Variants in LMX1A observed in about 807,000 individuals in gnomAD.
The protein encoded by LMX1A is LIM homeobox transcription factor 1-alpha.
A neutral mutation model predicts 49.1 loss-of-function variants in LMX1A; 15 were observed. That is an observed-to-expected ratio of 0.31 (90% CI 0.20 to 0.47). LMX1A has a LOEUF of 0.47. LMX1A is among the 20% of genes least tolerant of loss of function. The pLI, the probability that LMX1A is intolerant of heterozygous loss-of-function variation, is 1.00. For synonymous variants in LMX1A, 167 were observed against 185.7 expected (o/e 0.90, Z 0.82); for missense variants, 372 against 475.8 (o/e 0.78, Z 2.03).
intron 3 of LMX1A, among the ~76,000 whole-genome samples, chr1:165,337,721 C>T (rs1321536737): frequency 1.3e-5 from 2 of 152,060 alleles, no homozygotes; most frequent in Non-Finnish European, 2.9e-5. Flanking sequence ...TCTTGGTGCC[C>T]CTGAGTCTAA....
intron 3 of LMX1A, among the ~76,000 whole-genome samples, chr1:165,331,704 C>G (rs1459125145): frequency 6.6e-6 from 1 of 152,096 alleles, no homozygotes; most frequent in African/African-American, 2.4e-5. Context: ...ATCCCTTGAG[C>G]CCAGGAGTTC....
intron 4 of LMX1A, among the ~76,000 whole-genome samples, chr1:165,219,900 CTG>C (rs1651773757): frequency 6.6e-6 from 1 of 152,176 alleles, no homozygotes; most frequent in African/African-American, 2.4e-5. Context: ...AAAATAATAA[CTG>C]TGCAGAGGAG....
At chr1:165,325,851 C>T (rs1353308359) in intron 3 of LMX1A, among the ~76,000 whole-genome samples, 1 of 152,178 alleles carries the variant, frequency 6.6e-6, no homozygotes, top group African/African-American at 2.4e-5. Flanking sequence ...ATTATCACTA[C>T]TTTTACTATT....
intron 3 of LMX1A, among the ~76,000 whole-genome samples, chr1:165,269,371 G>T (rs1367397147): frequency 1.3e-5 from 2 of 152,180 alleles, no homozygotes; most frequent in Non-Finnish European, 2.9e-5. Context: ...AAAGATACCA[G>T]AATTTCAACC....
intron 3 of LMX1A, among the ~76,000 whole-genome samples, chr1:165,275,453 C>T (rs1653936136): frequency 6.6e-6 from 1 of 152,190 alleles, no homozygotes. Flanking sequence ...GGCTATCACG[C>T]TAAATCCGAC....
intron 3 of LMX1A, among the ~76,000 whole-genome samples, chr1:165,331,974 C>A (rs983974144): frequency 1.3e-5 from 2 of 151,910 alleles, no homozygotes; most frequent in Admixed American, 6.6e-5. Flanking sequence ...AAAAGACTGA[C>A]AACTATAGTA....
At chr1:165,286,886 C>T (rs993243590) in intron 3 of LMX1A, among the ~76,000 whole-genome samples, 19 of 151,998 alleles carry the variant, frequency 1.3e-4, no homozygotes, top group African/African-American at 4.6e-4. Context: ...ATAATATTAC[C>T]CTATAAGTGA....
chr1:165,331,856 G>T (rs1655752178), intron 3 of LMX1A, among the ~76,000 whole-genome samples: 1 of 152,190 alleles, frequency 6.6e-6, no homozygotes, highest in African/African-American at 2.4e-5. Flanking sequence ...GGTGGAAGTT[G>T]CAGTGAGACA....
At chr1:165,306,953 T>C (rs1654935683) in intron 3 of LMX1A, among the ~76,000 whole-genome samples, 1 of 152,252 alleles carries the variant, frequency 6.6e-6, no homozygotes, top group South Asian at 2.1e-4. Flanking sequence ...GGGCTCAGCC[T>C]GAGCTGCTGG....
At chr1:165,303,220 A>T (rs935030845) in intron 3 of LMX1A, among the ~76,000 whole-genome samples, 2 of 152,218 alleles carry the variant, frequency 1.3e-5, no homozygotes, top group Non-Finnish European at 2.9e-5. Context: ...ACCACACAAA[A>T]CAGTCAGAGA....
chr1:165,253,713 CT>C (rs1653135124), intron 3 of LMX1A, among the ~76,000 whole-genome samples: 1 of 152,200 alleles, frequency 6.6e-6, no homozygotes. Flanking sequence ...CGATATGCTT[CT>C]CCTCTGCCTC....
intron 3 of LMX1A, among the ~76,000 whole-genome samples, chr1:165,261,449 A>G (rs1186874019): frequency 6.6e-6 from 1 of 152,164 alleles, no homozygotes; most frequent in Non-Finnish European, 1.5e-5. Context: ...GGAATGTAAA[A>G]TGGTGCAATG....
At chr1:165,278,266 T>C (rs1040094168) in intron 3 of LMX1A, among the ~76,000 whole-genome samples, 1 of 152,234 alleles carries the variant, frequency 6.6e-6, no homozygotes, top group East Asian at 1.9e-4. Flanking sequence ...CAAACTGTCA[T>C]GAAGACATCT....
chr1:165,349,716 T>G (rs964655066), intron 3 of LMX1A, among the ~76,000 whole-genome samples: 2 of 152,202 alleles, frequency 1.3e-5, no homozygotes, highest in Non-Finnish European at 2.9e-5. Context: ...CGATGCATAG[T>G]TGTGTGTGCA....
intron 4 of LMX1A, among the ~76,000 whole-genome samples, chr1:165,225,186 A>T (rs529134582): frequency 6.6e-6 from 1 of 152,338 alleles, no homozygotes; most frequent in Admixed American, 6.5e-5. Flanking sequence ...GCACTTGGTC[A>T]GGAGGCCCTC....
chr1:165,236,151 CT>C (rs1174197411), intron 4 of LMX1A, among the ~76,000 whole-genome samples: 1 of 152,148 alleles, frequency 6.6e-6, no homozygotes, highest in African/African-American at 2.4e-5. Context: ...GTAATTCAAA[CT>C]GTTGTGAGCA....
intron 3 of LMX1A, among the ~76,000 whole-genome samples, chr1:165,251,858 C>A (rs1399403750): frequency 1.3e-5 from 2 of 152,114 alleles, no homozygotes; most frequent in Non-Finnish European, 2.9e-5. Context: ...GGTCATTCCA[C>A]AGTTATCCGG....
At chr1:165,217,396 G>T (rs960645348) in intron 4 of LMX1A, among the ~76,000 whole-genome samples, 1 of 152,192 alleles carries the variant, frequency 6.6e-6, no homozygotes. Flanking sequence ...AGAGAGGGGA[G>T]GAGAACACCT....
chr1:165,300,029 TG>T (rs1420695818), intron 3 of LMX1A, among the ~76,000 whole-genome samples: 2 of 152,170 alleles, frequency 1.3e-5, no homozygotes, highest in Non-Finnish European at 2.9e-5. Flanking sequence ...TAAGAGCCAT[TG>T]GATCAGGAGA....
Sources: allele counts gnomAD v4.1 joint callset (sites outside exome capture counted in the v4.1 genomes callset), GRCh38; gene constraint gnomAD v4.1.1; transcripts MANE v1.5; gene names NCBI Gene and HGNC (gene_info 2026-07-23, HGNC 2026-07-21).